Variants in CNTN5 observed in about 807,000 individuals in gnomAD.
The protein encoded by CNTN5 is contactin 5.
Under a neutral mutation model 129.1 loss-of-function variants are expected in CNTN5, and 77 were observed. The ratio of observed to expected loss-of-function variants is 0.60; its 90% CI spans 0.50 to 0.72. CNTN5 has a LOEUF of 0.72. CNTN5 is among the 30% of genes least tolerant of loss of function. CNTN5 has a pLI of 0.00. For synonymous variants in CNTN5, 509 were observed against 465.6 expected (o/e 1.09, Z -1.20); for missense variants, 1,478 against 1,328.8 (o/e 1.11, Z -1.75).
intron 3 of CNTN5, among the ~76,000 whole-genome samples, chr11:99,679,631 G>A (rs1167179508): frequency 6.6e-6 from 1 of 152,026 alleles, no homozygotes; most frequent in Non-Finnish European, 1.5e-5. Flanking sequence ...CCCTGTCCTT[G>A]GCCTTCCTTA....
chr11:99,244,835 A>G (rs1301510833), intron 1 of CNTN5, among the ~76,000 whole-genome samples: 1 of 152,168 alleles, frequency 6.6e-6, no homozygotes, highest in Non-Finnish European at 1.5e-5. Flanking sequence ...AATTCCACTC[A>G]AGTACCTCTC....
At chr11:100,312,737 T>TCC (rs1951494037) in intron 21 of CNTN5, among the ~76,000 whole-genome samples, 2 of 152,026 alleles carry the variant, frequency 1.3e-5, no homozygotes, top group South Asian at 4.1e-4. Context: ...AATTTTAACT[T>TCC]CACATGCAAA....
intron 1 of CNTN5, among the ~76,000 whole-genome samples, chr11:99,247,810 C>A (rs1255226684): frequency 6.6e-6 from 1 of 152,112 alleles, no homozygotes; most frequent in African/African-American, 2.4e-5. Context: ...TTTATGGCTG[C>A]ATGGTATTCC....
At chr11:99,174,371 C>A (rs886492761) in intron 1 of CNTN5, among the ~76,000 whole-genome samples, 1 of 152,136 alleles carries the variant, frequency 6.6e-6, no homozygotes, top group African/African-American at 2.4e-5. Flanking sequence ...TTGGTTATAT[C>A]ATTAGCAAGA....
intron 2 of CNTN5, among the ~76,000 whole-genome samples, chr11:99,489,703 C>T (rs754123730): frequency 2.0e-5 from 3 of 152,034 alleles, no homozygotes; most frequent in Non-Finnish European, 4.4e-5. Flanking sequence ...CATTCTGTAG[C>T]GTGGAGTCTG....
At chr11:99,872,574 T>G (rs1048176024) in intron 6 of CNTN5, among the ~76,000 whole-genome samples, 21 of 152,078 alleles carry the variant, frequency 1.4e-4, no homozygotes, top group Admixed American at 1.4e-3. Context: ...TGCCACCCGG[T>G]ACTCTGAAGA....
intron 2 of CNTN5, among the ~76,000 whole-genome samples, chr11:99,369,483 G>A (rs187195447): frequency 2.0e-3 from 308 of 151,358 alleles, no homozygotes; most frequent in African/African-American, 7.4e-3. Context: ...CCATAGAATG[G>A]CAGTTTATTT....
intron 1 of CNTN5, among the ~76,000 whole-genome samples, chr11:99,269,352 T>A (rs931921244): frequency 1.1e-4 from 17 of 151,992 alleles, no homozygotes; most frequent in African/African-American, 3.9e-4. Flanking sequence ...TTCCCTGATT[T>A]TTTTTTTTAA....
chr11:99,399,546 T>A (rs1396572010), intron 2 of CNTN5, among the ~76,000 whole-genome samples: 1 of 151,792 alleles, frequency 6.6e-6, no homozygotes, highest in East Asian at 1.9e-4. Context: ...AAGAGCCGAT[T>A]ATGTAATAAC....
intron 7 of CNTN5, among the ~76,000 whole-genome samples, chr11:99,938,199 A>G (rs1294574375): frequency 6.6e-6 from 1 of 152,174 alleles, no homozygotes; most frequent in Non-Finnish European, 1.5e-5. Context: ...GTGACTCCCT[A>G]TGCTTGGAAA....
chr11:99,840,421 A>G (rs1431114867), intron 4 of CNTN5, among the ~76,000 whole-genome samples: 1 of 152,142 alleles, frequency 6.6e-6, no homozygotes, highest in Non-Finnish European at 1.5e-5. Context: ...ATGCTTATCA[A>G]ACAATTGAGA....
At chr11:100,095,678 C>T (rs1944984166) in intron 13 of CNTN5, among the ~76,000 whole-genome samples, 1 of 152,134 alleles carries the variant, frequency 6.6e-6, no homozygotes, top group East Asian at 1.9e-4. Context: ...TTTTAGCACA[C>T]ATTTCCTCAA....
chr11:99,986,048 A>AG (rs1938652754), intron 8 of CNTN5, among the ~76,000 whole-genome samples: 1 of 152,148 alleles, frequency 6.6e-6, no homozygotes, highest in African/African-American at 2.4e-5. Context: ...TCAAATAATT[A>AG]TGTTTACTAC....
At chr11:100,036,448 C>A (rs578035241) in intron 9 of CNTN5, among the ~76,000 whole-genome samples, 1 of 150,734 alleles carries the variant, frequency 6.6e-6, no homozygotes, top group African/African-American at 2.4e-5. Context: ...CTTGGCGATG[C>A]GGGCTCTTTT....
At chr11:99,556,554 AAT>A (rs199758207) in intron 3 of CNTN5, among the ~76,000 whole-genome samples, 994 of 72,280 alleles carry the variant, frequency 0.014, 11 homozygotes, top group African/African-American at 0.026. Flanking sequence ...AAGGCTTGGA[AAT>A]ATATATATAT....
chr11:99,568,704 G>A (rs1248785194), intron 3 of CNTN5, among the ~76,000 whole-genome samples: 1 of 151,986 alleles, frequency 6.6e-6, no homozygotes, highest in African/African-American at 2.4e-5. Flanking sequence ...ATCCAAATAT[G>A]GATTATATAT....
At chr11:100,164,102 A>G (rs891432424) in intron 13 of CNTN5, among the ~76,000 whole-genome samples, 9 of 151,802 alleles carry the variant, frequency 5.9e-5, no homozygotes, top group Non-Finnish European at 1.3e-4. Context: ...TGCTAATGTT[A>G]TTACTGTGAA....
At chr11:100,201,080 G>A (rs1043919692) in intron 15 of CNTN5, among the ~76,000 whole-genome samples, 2 of 151,950 alleles carry the variant, frequency 1.3e-5, no homozygotes, top group African/African-American at 4.8e-5. Flanking sequence ...GCCACAGTGG[G>A]TTGTTGCATT....
intron 2 of CNTN5, among the ~76,000 whole-genome samples, chr11:99,447,402 T>C (rs1389587586): frequency 6.6e-6 from 1 of 152,180 alleles, no homozygotes; most frequent in African/African-American, 2.4e-5. Flanking sequence ...ATCTTAACTA[T>C]CCTCTTCTAT....
Sources: allele counts gnomAD v4.1 joint callset (sites outside exome capture counted in the v4.1 genomes callset), GRCh38; gene constraint gnomAD v4.1.1; transcripts MANE v1.5; gene names NCBI Gene and HGNC (gene_info 2026-07-23, HGNC 2026-07-21).